CCDC88C: variants seen among roughly 807,000 people sequenced by gnomAD.
CCDC88C encodes protein Daple.
CCDC88C carries 131 observed loss-of-function variants against 198.8 expected under a neutral mutation model. That is an observed-to-expected ratio of 0.66 (90% CI 0.57 to 0.76). The LOEUF is 0.76. Among genes scored for constraint, CCDC88C ranks in the 30% least tolerant of loss-of-function variants. The probability of loss-of-function intolerance (pLI) is 0.00; values close to 1 mark genes in which losing one functional copy is unlikely to be tolerated. For synonymous variants in CCDC88C, 1,166 were observed against 1,114.7 expected, an observed-to-expected ratio of 1.05 and a Z score of -0.92; for missense variants, 2,553 against 2,631.6, an observed-to-expected ratio of 0.97 and a Z score of 0.65.
At chr14:91,399,212 C>T (rs952613888) in intron 3 of CCDC88C, among the ~76,000 whole-genome samples, 1 of 152,204 alleles carries the variant, frequency 6.6e-6, no homozygotes, top group Non-Finnish European at 1.5e-5. Context: ...TCTGCATTCC[C>T]AGCCAGGAAC....
chr14:91,348,715 A>G (rs1403436310), intron 4 of CCDC88C, among the ~76,000 whole-genome samples: 1 of 152,180 alleles, frequency 6.6e-6, no homozygotes, highest in African/African-American at 2.4e-5. Context: ...AACAGGAGGG[A>G]AAAAGGCTTT....
intron 23 of CCDC88C, among the ~76,000 whole-genome samples, chr14:91,291,466 C>A (rs923947690): frequency 6.6e-6 from 1 of 152,152 alleles, no homozygotes; most frequent in Non-Finnish European, 1.5e-5. Context: ...GGGCGGGGTT[C>A]AGGGGGTACA....
intron 5 of CCDC88C, among the ~76,000 whole-genome samples, chr14:91,342,854 T>TA (rs1485043715): frequency 1.3e-5 from 2 of 152,246 alleles, no homozygotes; most frequent in African/African-American, 4.8e-5. Flanking sequence ...GTAAATATTT[T>TA]AGACTCTGTG....
chr14:91,360,644 G>A (rs1490984935), intron 3 of CCDC88C, among the ~76,000 whole-genome samples: 1 of 152,156 alleles, frequency 6.6e-6, no homozygotes, highest in African/African-American at 2.4e-5. Flanking sequence ...TGGGGCACAG[G>A]CGATGAGCTG....
intron 4 of CCDC88C, among the ~76,000 whole-genome samples, chr14:91,345,529 CATG>C (rs1893509391): frequency 6.6e-6 from 1 of 152,068 alleles, no homozygotes; most frequent in African/African-American, 2.4e-5. Flanking sequence ...TAAAGAATAT[CATG>C]GTAGCTAATT....
At chr14:91,306,357 C>T (rs1255635507) in intron 18 of CCDC88C, among the ~76,000 whole-genome samples, 1 of 152,200 alleles carries the variant, frequency 6.6e-6, no homozygotes, top group Non-Finnish European at 1.5e-5. Flanking sequence ...TAGAATAAGG[C>T]ACTTCACATT....
chr14:91,383,197 G>T (rs1318043820), intron 3 of CCDC88C, among the ~76,000 whole-genome samples: 7 of 152,184 alleles, frequency 4.6e-5, no homozygotes, highest in Admixed American at 3.9e-4. Context: ...CTTCTCAAAG[G>T]TAAGAGAGTC....
At chr14:91,393,105 G>A (rs1036474557) in intron 3 of CCDC88C, among the ~76,000 whole-genome samples, 1 of 152,098 alleles carries the variant, frequency 6.6e-6, no homozygotes, top group Non-Finnish European at 1.5e-5. Flanking sequence ...GGCACCAATC[G>A]CTCACTGGCT....
At position 91,277,967 on chromosome 14, in the gene CCDC88C, G is replaced by A; in HGVS notation, c.5013C>T (p.Thr1671=). ...TGCTCTCCTCCAGGAACTCCTCCAA[G>A]GTGACCATCTCACTGCTGGGGGAGG... ...CSASPSSEMV[T]LEEFLEESNR... is the part of the protein sequence containing the mutation. The change falls in exon 29 of 30, where the codon ACC becomes ACT. Residue 1671 remains threonine, a synonymous_variant. Transcript: ENST00000389857. The A allele has an allele frequency of 1.9e-6, 3 of 1,552,312 alleles. No homozygotes were observed. In the South Asian group the frequency reaches 3.5e-5, roughly 18 times the overall value.
At position 91,339,483 on chromosome 14, in the gene CCDC88C, G is replaced by C; in HGVS notation, c.625-21C>G. The stretch of plus-strand genomic sequence containing the variant: ...ATCAGCTGCAGCCGGGCAGAGAGGG[G>C]GATGGAGGAGAACAAACGGGGTTAA... On this transcript the variant is annotated intron_variant, in intron 7 of 29. Transcript: ENST00000389857. The surrounding 1 kb of genome is among the most constrained non-coding windows in gnomAD (Gnocchi z 5.8). The C allele has an allele frequency of 6.3e-7, 1 of 1,593,050 alleles. No homozygotes were observed. Among genetic ancestry groups the C allele is most frequent in the Non-Finnish European group, 8.6e-7 (1 of 1,165,824 alleles).
At chr14:91,318,377 C>T (rs1168085958) in intron 13 of CCDC88C, among the ~76,000 whole-genome samples, 1 of 152,110 alleles carries the variant, frequency 6.6e-6, no homozygotes, top group Non-Finnish European at 1.5e-5. Context: ...GGTCACACTA[C>T]CGCACTCCTG....
chr14:91,394,657 C>CAGAA (rs1390541476), intron 3 of CCDC88C, among the ~76,000 whole-genome samples: 2 of 152,188 alleles, frequency 1.3e-5, no homozygotes, highest in African/African-American at 2.4e-5. Context: ...GACAGACAAA[C>CAGAA]AGAAAGATTC....
chr14:91,351,599 C>T (rs1484258576), intron 4 of CCDC88C, among the ~76,000 whole-genome samples: 1 of 152,148 alleles, frequency 6.6e-6, no homozygotes, highest in Admixed American at 6.5e-5. Context: ...GGGGAGCGGC[C>T]CCTGTGGAAT....
chr14:91,369,565 A>G (rs1238693744), intron 3 of CCDC88C, among the ~76,000 whole-genome samples: 1 of 151,668 alleles, frequency 6.6e-6, no homozygotes, highest in Non-Finnish European at 1.5e-5. Context: ...AACATAGCAC[A>G]TTTTCTAACA....
chr14:91,287,056 G>A (rs776998921), intron 25 of CCDC88C, among the ~76,000 whole-genome samples: 12 of 152,126 alleles, frequency 7.9e-5, no homozygotes, highest in Admixed American at 5.2e-4. Context: ...GATCACTTTG[G>A]ACCAGTCAAG....
At chr14:91,356,097 T>G (rs1702770445) in intron 4 of CCDC88C, among the ~76,000 whole-genome samples, 1 of 152,200 alleles carries the variant, frequency 6.6e-6, no homozygotes, top group African/African-American at 2.4e-5. Context: ...ACACCAACTT[T>G]GTTCTTTGTT....
intron 3 of CCDC88C, among the ~76,000 whole-genome samples, chr14:91,386,289 C>A (rs376474456): frequency 2.3e-3 from 242 of 106,686 alleles, no homozygotes; most frequent in Middle Eastern, 9.8e-3. Context: ...ACTAAAAATA[C>A]AAAAAAAAAA....
intron 10 of CCDC88C, among the ~76,000 whole-genome samples, chr14:91,334,734 C>G (rs1892978645): frequency 6.6e-6 from 1 of 152,180 alleles, no homozygotes; most frequent in Non-Finnish European, 1.5e-5. Flanking sequence ...ACCTGTGCAT[C>G]AAGGTAACGC....
At chr14:91,405,784 AG>A (rs1886453776) in intron 3 of CCDC88C, among the ~76,000 whole-genome samples, 1 of 152,216 alleles carries the variant, frequency 6.6e-6, no homozygotes, top group Non-Finnish European at 1.5e-5. Context: ...ATAAATTGGA[AG>A]GAAAAAAAAC....
Sources: allele counts gnomAD v4.1 joint callset (sites outside exome capture counted in the v4.1 genomes callset), GRCh38; gene constraint gnomAD v4.1.1; non-coding constraint Gnocchi (gnomAD v3.1); transcripts MANE v1.5; gene names NCBI Gene and HGNC (gene_info 2026-07-23, HGNC 2026-07-21).